Variants in NTRK3 observed in about 807,000 individuals in gnomAD.
The protein encoded by NTRK3 is neurotrophic receptor tyrosine kinase 3, also known as NT-3 growth factor receptor.
A neutral mutation model predicts 91.7 loss-of-function variants in NTRK3; 24 were observed. That is an observed-to-expected ratio of 0.26 (90% confidence interval 0.19 to 0.37). The LOEUF (loss-of-function observed/expected upper bound fraction) is 0.37. Ranked by LOEUF, NTRK3 falls within the 10% of genes least tolerant of loss-of-function variation. The pLI is 1.00. For missense variants in NTRK3, 880 were observed against 1,068.9 expected (o/e 0.82, Z 2.46); for synonymous variants, 483 against 404.0 (o/e 1.20, Z -2.34).
exon 19 of NTRK3, chr15:87,869,030 T>C (rs530928673): frequency 2.6e-5 from 6 of 228,890 alleles, no homozygotes; most frequent in Middle Eastern, 2.6e-3. Flanking sequence ...TTTTAAACCA[T>C]TTCACTTTGT....
At chr15:88,108,539 T>C (rs1441238757) in intron 13 of NTRK3, among the ~76,000 whole-genome samples, 5 of 152,204 alleles carry the variant, frequency 3.3e-5, no homozygotes, top group African/African-American at 1.2e-4. Context: ...GACAGAATCA[T>C]AGAATGTTAC....
intron 10 of NTRK3, among the ~76,000 whole-genome samples, chr15:88,132,809 G>T (rs867269733): frequency 6.6e-5 from 10 of 152,102 alleles, no homozygotes; most frequent in South Asian, 6.2e-4. Context: ...ATCACCCATT[G>T]ATCCCTTTAA....
rs115353857 is a variant in NTRK3, at chr15:87,901,708, A to G, written c.2134-21280T>C. On this transcript the variant is annotated intron_variant, in intron 17 of 18. Coordinates refer to ENST00000394480, the Ensembl canonical transcript of NTRK3. ...CTAAAACGCATTGGCTATGAAAACT[A>G]CTATTATCGACAGCATTGTATTGAG... Among the ~76,000 whole-genome samples, 366 of 151,382 alleles carry G rather than the reference A, an allele frequency of 2.4e-3. 1 individual carries two copies. The highest frequency in any genetic ancestry group is 8.2e-3 in the African/African-American group (337 of 40,938).
intron 7 of NTRK3, 53 bp downstream of exon 7, chr15:88,137,351 T>G (rs1412804739): frequency 1.2e-6 from 2 of 1,601,510 alleles, no homozygotes; most frequent in African/African-American, 2.7e-5. Context: ...CCATCTCTGG[T>G]GTCTGAGGGA....
chr15:88,160,387 G>C (rs974237735), intron 5 of NTRK3, among the ~76,000 whole-genome samples: 1 of 152,194 alleles, frequency 6.6e-6, no homozygotes, highest in Non-Finnish European at 1.5e-5. Context: ...AGAGACCTTA[G>C]CTTAGTGCCT....
intron 3 of NTRK3, among the ~76,000 whole-genome samples, chr15:88,216,804 T>C (rs8034596): frequency 0.83 from 125,672 of 152,142 alleles, 52,620 homozygotes; most frequent in East Asian, 0.99. Flanking sequence ...TTATCCACCC[T>C]TCTCTTGAGG....
intron 2 of NTRK3, 43 bp downstream of exon 2, chr15:88,256,241 A>G: frequency 4.1e-6 from 1 of 244,176 alleles, no homozygotes; most frequent in African/African-American, 3.7e-5. Context: ...GGAAGGAAAC[A>G]AAGACGGCGA....
intron 14 of NTRK3, among the ~76,000 whole-genome samples, chr15:87,971,732 A>T (rs1364817564): frequency 6.6e-6 from 1 of 152,206 alleles, no homozygotes; most frequent in Non-Finnish European, 1.5e-5. Flanking sequence ...GTGAGAGGTA[A>T]ATATTTCCCT....
intron 14 of NTRK3, among the ~76,000 whole-genome samples, chr15:88,011,674 C>T (rs780130275): frequency 6.6e-6 from 1 of 152,144 alleles, no homozygotes; most frequent in Admixed American, 6.5e-5. Flanking sequence ...CACTGAATTA[C>T]GTCAGCACAA....
exon 17 of NTRK3, chr15:87,929,263 A>C (rs1567118179): frequency 4.3e-6 from 7 of 1,613,902 alleles, no homozygotes; most frequent in Non-Finnish European, 5.9e-6. Flanking sequence ...GATTCGCTCC[A>C]ACCAGGCAGT....
At chr15:87,972,830 C>A (rs1175832779) in intron 14 of NTRK3, among the ~76,000 whole-genome samples, 1 of 152,184 alleles carries the variant, frequency 6.6e-6, no homozygotes, top group Non-Finnish European at 1.5e-5. Flanking sequence ...TTTCCTCTAC[C>A]TCAGAGTTCC....
intron 3 of NTRK3, among the ~76,000 whole-genome samples, chr15:88,249,349 C>T (rs770818346): frequency 1.3e-5 from 2 of 152,222 alleles, no homozygotes; most frequent in African/African-American, 4.8e-5. Flanking sequence ...ATAGTTGCTG[C>T]CTCTGGGGAC....
intron 17 of NTRK3, among the ~76,000 whole-genome samples, chr15:87,898,517 G>A (rs1316973876): frequency 6.6e-6 from 1 of 152,080 alleles, no homozygotes; most frequent in African/African-American, 2.4e-5. Context: ...TTTCTACGGT[G>A]GACTAGGCTC....
At position 87,935,395 on chromosome 15, in the gene NTRK3, A is replaced by G. The variant is rs549592414; in HGVS notation, c.1717-2211T>C. 3.9e-5 allele frequency among the ~76,000 whole-genome samples: 6 copies of G among 152,254 alleles called. No individual in the cohort carries two copies. The South Asian group carries it at 1.0e-3, about 26-fold the overall frequency. ...TGCTCTGGGAAGCTACCTAACAATAAACGAATAGGATGTAATGTCTACCTA... is the reference window on the plus strand; with the variant it reads ...TGCTCTGGGAAGCTACCTAACAATAGACGAATAGGATGTAATGTCTACCTA... On this transcript the variant is annotated intron_variant, in intron 15 of 18. Coordinates refer to ENST00000394480, the Ensembl canonical transcript of NTRK3.
At chr15:87,882,543 A>G (rs1008099026) in intron 17 of NTRK3, among the ~76,000 whole-genome samples, 2 of 152,140 alleles carry the variant, frequency 1.3e-5, no homozygotes, top group Admixed American at 1.3e-4. Flanking sequence ...AATACTAATA[A>G]TGCTATTAGT....
Position 88,014,443 on chromosome 15 carries a change from T to C in NTRK3, c.1585+18414A>G, listed in dbSNP as rs185688574. 4.1e-4 allele frequency among the ~76,000 whole-genome samples: 63 copies of C among 152,278 alleles called. 1 individual carries two copies. In the East Asian group the frequency reaches 0.01, roughly 24 times the overall value. On this transcript the variant is annotated intron_variant, in intron 14 of 18. Coordinates refer to ENST00000394480, the Ensembl canonical transcript of NTRK3. ...GAAAAGATAAGTCTCACTGGATCTC[T>C]GAGATATTTTTCAGATTAAAAAAAC... is the stretch of plus-strand genomic sequence containing the variant.
chr15:88,010,148 C>A (rs2076771519), intron 14 of NTRK3, among the ~76,000 whole-genome samples: 1 of 152,178 alleles, frequency 6.6e-6, no homozygotes, highest in Non-Finnish European at 1.5e-5. Context: ...ATCTCCCTCA[C>A]CCCTGTAGTC....
At chr15:88,135,378 G>A (rs2151196589) in exon 10 of NTRK3, 1 of 1,613,922 alleles carries the variant, frequency 6.2e-7, no homozygotes, top group Non-Finnish European at 8.5e-7. Flanking sequence ...GCTCCTCCAG[G>A]CTCACCACAC....
At chr15:87,943,293 A>C (rs1159664824) in intron 14 of NTRK3, among the ~76,000 whole-genome samples, 4 of 152,110 alleles carry the variant, frequency 2.6e-5, no homozygotes. Context: ...CATGCTCACA[A>C]ACAGTTTAGC....
Sources: gnomAD v4.1 joint callset for allele counts (sites outside exome capture counted in the v4.1 genomes callset) on GRCh38, gnomAD v4.1.1 for gene constraint, MANE v1.5 for transcripts, NCBI Gene and HGNC (gene_info 2026-07-23, HGNC 2026-07-21) for gene names.